TOP2B: variants seen among roughly 807,000 people sequenced by gnomAD.
The protein encoded by TOP2B is DNA topoisomerase II beta, also known as DNA topoisomerase 2-beta.
Under a neutral mutation model 193.5 loss-of-function variants are expected in TOP2B, and 51 were observed. The observed-to-expected ratio is 0.26, with a 90% CI of 0.21 to 0.33. The LOEUF (loss-of-function observed/expected upper bound fraction) is 0.33, where lower values mean the gene tolerates loss of function less well. Ranked by LOEUF, TOP2B falls within the 10% of genes least tolerant of loss-of-function variation. TOP2B has a pLI of 1.00. For missense variants in TOP2B, 1,378 were observed against 1,909.3 expected, an observed-to-expected ratio of 0.72 and a Z score of 5.19; for synonymous variants, 634 against 635.7, an observed-to-expected ratio of 1.00 and a Z score of 0.04.
In TOP2B at chr3:25,630,925, G is replaced by A. The variant is rs747577184; in HGVS notation, c.1281C>T (p.Gly427=). ...CCCAGTTCAGGATACTTTCTACAAT[G>A]CCACAATTAGAGGCCTAAAAATAAA... ...EKFFKAASNC[G]IVESILNWVK... The change falls in exon 11 of 36, where the codon GGC becomes GGT. Residue 427 remains glycine, a synonymous_variant. Coordinates refer to ENST00000264331, the MANE Select transcript of TOP2B (RefSeq NM_001330700.2). 40 of 1,588,854 alleles carry A rather than the reference G, an allele frequency of 2.5e-5. No homozygotes were observed. The East Asian group carries it at 6.4e-4, about 25-fold the overall frequency.
rs781528193 is a variant in TOP2B, at chr3:25,606,004, A to G, written c.4378+39T>C. 10 of 1,199,834 alleles carry G rather than the reference A, an allele frequency of 8.3e-6. No individual in the cohort carries two copies. The Admixed American group carries it at 2.6e-4, about 31-fold the overall frequency. The allele number at this position is 1,199,834 out of a possible 1,614,324, so 74.3% of individuals were successfully genotyped here. A position where few individuals can be genotyped will look rare whatever the true frequency, so the allele number is the denominator to read the frequency against. On this transcript the variant is annotated intron_variant, in intron 32 of 35. Coordinates refer to ENST00000264331, the MANE Select transcript of TOP2B (RefSeq NM_001330700.2). Reference sequence around the variant, plus strand: ...CTGTTTTCTCTCCACCACTAAAAGCAATAATACAATAACCAATGAAAAGAC... The same window carrying G: ...CTGTTTTCTCTCCACCACTAAAAGCGATAATACAATAACCAATGAAAAGAC...
In TOP2B at chr3:25,626,686, G is replaced by C; in HGVS notation, c.2110-12C>G. ...CCATATAAAAATTGCTAAGAGAAAA[G>C]TTATATAGCAATATTATCATTATTA... On this transcript the variant is annotated splice_polypyrimidine_tract_variant and intron_variant, in intron 17 of 35. Coordinates refer to ENST00000264331, the MANE Select transcript of TOP2B (RefSeq NM_001330700.2). 1 of 1,503,438 alleles carries C rather than the reference G, an allele frequency of 6.7e-7. No individual in the cohort carries two copies. The highest frequency in any genetic ancestry group is 9.0e-7 in the Non-Finnish European group (1 of 1,111,432). 93.1% of individuals were successfully genotyped at this position (1,503,438 alleles called of 1,614,324 possible).
intron 18 of TOP2B, 97 bp from the exon 19 acceptor site, chr3:25,624,900 C>T (rs1575572230): frequency 8.4e-7 from 1 of 1,185,390 alleles, no homozygotes; most frequent in East Asian, 2.5e-5. Flanking sequence ...TTCAAGAACA[C>T]CAGTAAAATT....
At chr3:25,644,213 G>T (rs151158292) in intron 2 of TOP2B, among the ~76,000 whole-genome samples, 1 of 151,790 alleles carries the variant, frequency 6.6e-6, no homozygotes, top group Non-Finnish European at 1.5e-5. Flanking sequence ...TGAGAGATAT[G>T]AACAAGTTAC....
intron 1 of TOP2B, among the ~76,000 whole-genome samples, chr3:25,663,194 A>C (rs1320245120): frequency 6.6e-6 from 1 of 152,230 alleles, no homozygotes; most frequent in African/African-American, 2.4e-5. Context: ...GCAGTTGTCA[A>C]TATAGCACAA....
chr3:25,654,303 A>C (rs1364816910), intron 1 of TOP2B, among the ~76,000 whole-genome samples: 1 of 152,196 alleles, frequency 6.6e-6, no homozygotes, highest in Non-Finnish European at 1.5e-5. Flanking sequence ...TGACCAATCA[A>C]AAAAGGAAAT....
intron 1 of TOP2B, among the ~76,000 whole-genome samples, chr3:25,648,242 C>G (rs191921316): frequency 6.6e-6 from 1 of 152,294 alleles, no homozygotes; most frequent in East Asian, 1.9e-4. Flanking sequence ...GAAACAGACA[C>G]AAGGTGGAGC....
intron 4 of TOP2B, among the ~76,000 whole-genome samples, chr3:25,640,399 A>T (rs976567553): frequency 6.6e-6 from 1 of 152,194 alleles, no homozygotes; most frequent in Non-Finnish European, 1.5e-5. Flanking sequence ...GAAAAAATAT[A>T]CTACCATCAC....
chr3:25,638,421 A>C, intron 4 of TOP2B, 111 bp from the exon 5 acceptor site: 1 of 1,266,970 alleles, frequency 7.9e-7, no homozygotes. Flanking sequence ...ATAAACCTTA[A>C]TGGTTATAAG....
chr3:25,637,636 C>T (rs74560694), intron 5 of TOP2B, among the ~76,000 whole-genome samples: 4,132 of 151,970 alleles, frequency 0.027, 170 homozygotes, highest in African/African-American at 0.093. Context: ...CTCAAACTTG[C>T]TTCTCTATTA....
At chr3:25,638,721 A>G (rs1261494201) in intron 4 of TOP2B, among the ~76,000 whole-genome samples, 1 of 152,094 alleles carries the variant, frequency 6.6e-6, no homozygotes, top group Non-Finnish European at 1.5e-5. Flanking sequence ...AAAAAAATCA[A>G]CGTTTGGCAT....
At chr3:25,656,981 G>A (rs1703763544) in intron 1 of TOP2B, among the ~76,000 whole-genome samples, 1 of 152,304 alleles carries the variant, frequency 6.6e-6, no homozygotes, top group Non-Finnish European at 1.5e-5. Context: ...TCTCACTAGA[G>A]GCTATGCAAA....
At chr3:25,645,219 A>G in intron 2 of TOP2B, 81 bp downstream of exon 2, 1 of 1,284,600 alleles carries the variant, frequency 7.8e-7, no homozygotes, top group South Asian at 1.7e-5. Context: ...AAAGCAAGTA[A>G]TTACAATAAT....
intron 18 of TOP2B, 128 bp from the exon 19 acceptor site, chr3:25,624,931 A>C: frequency 5.7e-6 from 5 of 873,430 alleles, no homozygotes; most frequent in Non-Finnish European, 8.8e-6. Flanking sequence ...ATTCTGTAAC[A>C]AAGTGAGTAC....
chr3:25,629,283 T>C (rs1258669314), intron 13 of TOP2B, 138 bp from the exon 14 acceptor site: 1 of 557,518 alleles, frequency 1.8e-6, no homozygotes, highest in Admixed American at 3.7e-5. Flanking sequence ...GCTATTAAGA[T>C]GATCATACTA....
Position 25,629,126 on chromosome 3 carries a change from A to G in TOP2B, c.1709T>C (p.Ile570Thr). 1 of 1,594,448 alleles carries G rather than the reference A, an allele frequency of 6.3e-7. No homozygotes were observed. Among genetic ancestry groups the G allele is most frequent in the Non-Finnish European group, 8.5e-7 (1 of 1,172,862 alleles). Residue 570 changes from isoleucine (I) to threonine (T), a missense_variant, in exon 14 of 36, where the codon ATA becomes ACA. Coordinates refer to ENST00000264331, the MANE Select transcript of TOP2B (RefSeq NM_001330700.2). Reference sequence around the variant, plus strand: ...GATGAAATTAATAAGCAGGCCTTTTATGTGAGAACCATCTTGATCCTAAAT... The same window carrying G: ...GATGAAATTAATAAGCAGGCCTTTTGTGTGAGAACCATCTTGATCCTAAAT... ...MTDQDQDGSHIKGLLINFIHH... is the reference protein window; with the variant it reads ...MTDQDQDGSHTKGLLINFIHH...
Position 25,598,144 on chromosome 3 carries a change from CTG to C in TOP2B, c.*161_*162del, listed in dbSNP as rs1701966454. On this transcript the variant is annotated 3_prime_UTR_variant, in exon 36 of 36. Coordinates refer to ENST00000264331, the MANE Select transcript of TOP2B (RefSeq NM_001330700.2). ...TCAATGAGTAAAAAAGAGCATAAAACTGTATGTGTAAGAACAAAATGTTAAAA... is the reference window on the plus strand; with the variant it reads ...TCAATGAGTAAAAAAGAGCATAAAACTATGTGTAAGAACAAAATGTTAAAA... 3.0e-6 allele frequency: 2 copies of C among 656,716 alleles called. No homozygotes were observed. Among genetic ancestry groups the C allele is most frequent in the Non-Finnish European group, 2.5e-6 (1 of 407,170 alleles). The allele number at this position is 656,716 out of a possible 1,614,324, so 40.7% of individuals were successfully genotyped here. A position where few individuals can be genotyped will look rare whatever the true frequency, so the allele number is the denominator to read the frequency against.
intron 1 of TOP2B, among the ~76,000 whole-genome samples, chr3:25,655,272 A>C (rs1703710506): frequency 6.6e-6 from 1 of 152,238 alleles, no homozygotes. Flanking sequence ...CAAATGGTCA[A>C]CAGCATATGA....
chr3:25,612,143 C>T (rs1167000625), intron 28 of TOP2B, among the ~76,000 whole-genome samples: 2 of 151,976 alleles, frequency 1.3e-5, no homozygotes, highest in East Asian at 3.9e-4. Context: ...GGGGTTTCAC[C>T]ATGTTTGCCA....
Sources: gnomAD v4.1 joint callset for allele counts (sites outside exome capture counted in the v4.1 genomes callset) on GRCh38, gnomAD v4.1.1 for gene constraint, MANE v1.5 for transcripts, NCBI Gene and HGNC (gene_info 2026-07-23, HGNC 2026-07-21) for gene names.